The following FBXW4 variants were observed in gnomAD, a reference collection of about 807,000 sequenced individuals.
The protein encoded by FBXW4 is F-box and WD repeat domain containing 4.
A neutral mutation model predicts 61.8 loss-of-function variants in FBXW4; 40 were observed. The ratio of observed to expected loss-of-function variants is 0.65; its 90% CI spans 0.50 to 0.84. The LOEUF is 0.84. FBXW4 is among the 40% of genes least tolerant of loss of function. The pLI is 0.00. For synonymous variants in FBXW4, 311 were observed against 313.8 expected (o/e 0.99, Z 0.10); for missense variants, 672 against 753.8 (o/e 0.89, Z 1.27).
intron 4 of FBXW4, 133 bp from the exon 5 acceptor site, chr10:101,668,113 G>A (rs2064324277): frequency 1.0e-5 from 7 of 684,304 alleles, no homozygotes; most frequent in Non-Finnish European, 1.8e-5. Context: ...CAGAGCTCAG[G>A]TATCAGCAGA....
chr10:101,665,762 T>G (rs1408153879), intron 5 of FBXW4, among the ~76,000 whole-genome samples: 7 of 152,218 alleles, frequency 4.6e-5, no homozygotes, highest in African/African-American at 1.4e-4. Context: ...GACACCATCT[T>G]CAATAGTTGT....
chr10:101,617,148 C>T (rs1173516150), intron 6 of FBXW4, among the ~76,000 whole-genome samples: 1 of 152,186 alleles, frequency 6.6e-6, no homozygotes, highest in African/African-American at 2.4e-5. Flanking sequence ...GTGTTTTACT[C>T]GTATCAGCCC....
chr10:101,691,608 C>T (rs1168446948), intron 1 of FBXW4, among the ~76,000 whole-genome samples: 1 of 152,018 alleles, frequency 6.6e-6, no homozygotes, highest in African/African-American at 2.4e-5. Flanking sequence ...TAGATTCATT[C>T]CCAATATCTC....
intron 5 of FBXW4, among the ~76,000 whole-genome samples, chr10:101,636,562 T>G (rs566962697): frequency 1.3e-5 from 2 of 152,014 alleles, no homozygotes; most frequent in East Asian, 3.9e-4. Flanking sequence ...TTTTTCTAGG[T>G]ATGATAATGG....
chr10:101,664,011 TC>T (rs1390930089), intron 5 of FBXW4, among the ~76,000 whole-genome samples: 1 of 152,226 alleles, frequency 6.6e-6, no homozygotes, highest in East Asian at 1.9e-4. Flanking sequence ...CTGCTGGTTC[TC>T]CTTCTGTGTT....
chr10:101,623,632 C>T (rs921582848), intron 6 of FBXW4, among the ~76,000 whole-genome samples: 11 of 152,128 alleles, frequency 7.2e-5, no homozygotes, highest in South Asian at 2.1e-4. Flanking sequence ...AAAACCTGTA[C>T]GTGTTGTAAT....
Position 101,612,494 on chromosome 10 carries a change from GGAGT to G in FBXW4, c.1302-21_1302-18del, listed in dbSNP as rs2063796251. 1 of 1,540,694 alleles carries G rather than the reference GGAGT, an allele frequency of 6.5e-7. No homozygotes were observed. Among genetic ancestry groups the G allele is most frequent in the Admixed American group, 1.9e-5 (1 of 53,358 alleles). On this transcript the variant is annotated intron_variant, in intron 6 of 8. Coordinates refer to ENST00000331272, the MANE Select transcript of FBXW4 (RefSeq NM_022039.4). ...AGCTGCCCACTGGGAAGGGAAGGAC[GGAGT>G]GAGAGGCTGCTCCACGTGGGTCATA...
rs2063894389 is a variant in FBXW4 at position 101,624,765 on chromosome 10, C to T, written c.1281G>A (p.Leu427=). The T allele has an allele frequency of 6.2e-7, 1 of 1,614,084 alleles. No homozygotes were observed. Among genetic ancestry groups the T allele is most frequent in the South Asian group, 1.1e-5 (1 of 91,082 alleles). ...CTTACCTGTTGAGGTCCCAGATTCT[C>T]AGGGGTGAGAAGTGCCCGCAACAAG... ...GTACCGHFSP[L]RIWDLNSGQL... The change falls in exon 6 of 9, where the codon CTG becomes CTA. Residue 427 remains leucine (L), a synonymous_variant. Transcript: ENST00000331272.
intron 5 of FBXW4, among the ~76,000 whole-genome samples, chr10:101,646,515 A>T (rs1451615152): frequency 6.6e-6 from 1 of 152,212 alleles, no homozygotes; most frequent in Admixed American, 6.5e-5. Flanking sequence ...CCCCCACAGG[A>T]GCAACAAAGC....
rs2063895223 is a variant in FBXW4 at position 101,624,828 on chromosome 10, A to G, written c.1236-18T>C. ...CAAAAGAGCTGCCAAACAAAAGGAG[A>G]ACAAAGTCAGATCTGGCTTGTCAGA... is the stretch of plus-strand genomic sequence containing the variant. On this transcript the variant is annotated intron_variant, in intron 5 of 8. Transcript: ENST00000331272. The G allele has an allele frequency of 1.9e-6, 3 of 1,614,084 alleles. No homozygotes were observed. The highest frequency in any genetic ancestry group is 1.6e-4 in the Middle Eastern group (1 of 6,084).
intron 6 of FBXW4, among the ~76,000 whole-genome samples, chr10:101,612,833 A>G (rs1379908717): frequency 6.6e-6 from 1 of 152,086 alleles, no homozygotes; most frequent in Non-Finnish European, 1.5e-5. Flanking sequence ...GCACACACAC[A>G]CACACACTTG....
At chr10:101,636,882 C>T (rs1589751754) in intron 5 of FBXW4, among the ~76,000 whole-genome samples, 1 of 152,200 alleles carries the variant, frequency 6.6e-6, no homozygotes. Flanking sequence ...AGCCACTGCA[C>T]CCAGCCCAGG....
intron 5 of FBXW4, among the ~76,000 whole-genome samples, chr10:101,650,031 C>G (rs967718612): frequency 6.6e-6 from 1 of 152,198 alleles, no homozygotes; most frequent in Non-Finnish European, 1.5e-5. Context: ...GAGTCTCCTT[C>G]TCCTTGAGTC....
intron 5 of FBXW4, among the ~76,000 whole-genome samples, chr10:101,648,582 A>G (rs573736889): frequency 2.0e-5 from 3 of 152,302 alleles, no homozygotes; most frequent in African/African-American, 7.2e-5. Context: ...ATAATCTTTC[A>G]TGGACAGAAC....
chr10:101,616,698 G>T (rs1057127565), intron 6 of FBXW4, among the ~76,000 whole-genome samples: 3 of 152,228 alleles, frequency 2.0e-5, no homozygotes, highest in Non-Finnish European at 4.4e-5. Flanking sequence ...TGGCAATCTG[G>T]TTTGGTTGGA....
At chr10:101,625,490 C>T (rs2063900537) in intron 5 of FBXW4, 2 of 152,270 alleles carry the variant, frequency 1.3e-5, no homozygotes, top group Admixed American at 1.3e-4. Flanking sequence ...ACAAACAACG[C>T]CGAGAGGCAC....
At chr10:101,644,951 T>C (rs2064083265) in intron 5 of FBXW4, among the ~76,000 whole-genome samples, 1 of 152,176 alleles carries the variant, frequency 6.6e-6, no homozygotes, top group Non-Finnish European at 1.5e-5. Flanking sequence ...CCATGGGCTG[T>C]AGGAGCAGTT....
At chr10:101,615,107 G>A (rs537017365) in intron 6 of FBXW4, among the ~76,000 whole-genome samples, 1 of 152,254 alleles carries the variant, frequency 6.6e-6, no homozygotes, top group Admixed American at 6.5e-5. Context: ...ATAACGTGGT[G>A]ACCCCCCAAA....
intron 6 of FBXW4, among the ~76,000 whole-genome samples, chr10:101,619,573 G>T (rs1438299212): frequency 6.6e-6 from 1 of 151,994 alleles, no homozygotes; most frequent in African/African-American, 2.4e-5. Context: ...GCAGGAGGAT[G>T]GCGTGAACCC....
Sources: gnomAD v4.1 joint callset for allele counts (sites outside exome capture counted in the v4.1 genomes callset) on GRCh38, gnomAD v4.1.1 for gene constraint, MANE v1.5 for transcripts, NCBI Gene and HGNC (gene_info 2026-07-23, HGNC 2026-07-21) for gene names.